Variants in PRKAA2 observed in about 807,000 individuals in gnomAD.
PRKAA2 encodes the protein protein kinase AMP-activated catalytic subunit alpha 2.
PRKAA2 carries 40 observed loss-of-function variants against 56.3 expected under a neutral mutation model. That is an observed-to-expected ratio of 0.71 (90% CI 0.55 to 0.92). The LOEUF is 0.92. Ranked by LOEUF, PRKAA2 falls within the 40% of genes least tolerant of loss-of-function variation. The pLI is 0.00. For synonymous variants in PRKAA2, 214 were observed against 234.2 expected (o/e 0.91, Z 0.79); for missense variants, 542 against 686.9 (o/e 0.79, Z 2.36).
chr1:56,692,860 C>G (rs1008587153), intron 4 of PRKAA2, among the ~76,000 whole-genome samples: 1 of 150,956 alleles, frequency 6.6e-6, no homozygotes, highest in Non-Finnish European at 1.5e-5. Flanking sequence ...AGTATGGGCA[C>G]TTTCCCTGAT....
At chr1:56,658,769 T>C (rs1215855085) in intron 1 of PRKAA2, among the ~76,000 whole-genome samples, 1 of 151,324 alleles carries the variant, frequency 6.6e-6, no homozygotes, top group Non-Finnish European at 1.5e-5. Flanking sequence ...AGGCAGAGTG[T>C]TCCTCTGTCC....
At chr1:56,651,502 G>C (rs1204316756) in intron 1 of PRKAA2, among the ~76,000 whole-genome samples, 1 of 151,982 alleles carries the variant, frequency 6.6e-6, no homozygotes. Flanking sequence ...TCAAATTCAG[G>C]GTTCTCAGAC....
intron 6 of PRKAA2, 47 bp downstream of exon 6, chr1:56,696,206 A>G (rs1644258289): frequency 6.6e-7 from 1 of 1,507,632 alleles, no homozygotes. Flanking sequence ...TCATAGGAAT[A>G]ATAATGTTAA....
At chr1:56,654,917 T>C (rs746813342) in intron 1 of PRKAA2, among the ~76,000 whole-genome samples, 1 of 152,036 alleles carries the variant, frequency 6.6e-6, no homozygotes, top group Non-Finnish European at 1.5e-5. Flanking sequence ...AACAGCCTTT[T>C]ATATGATTAA....
intron 1 of PRKAA2, among the ~76,000 whole-genome samples, chr1:56,651,782 A>T (rs1373510374): frequency 6.6e-6 from 1 of 151,846 alleles, no homozygotes; most frequent in Non-Finnish European, 1.5e-5. Flanking sequence ...GAATTCTACC[A>T]GTTTTAACCC....
At position 56,668,080 on chromosome 1, in the gene PRKAA2, C is replaced by T. The variant is rs1644048053; in HGVS notation, c.95-6301C>T. On this transcript the variant is annotated intron_variant, in intron 1 of 8. Transcript: ENST00000371244. ...TACTTATTATATAGACTAATAACTT[C>T]CTGGGAGCACTGTGATTGCCACACT... 2.0e-5 allele frequency among the ~76,000 whole-genome samples: 3 copies of T among 152,042 alleles called. No individual in the cohort carries two copies. In the South Asian group the frequency reaches 6.2e-4, roughly 32 times the overall value.
At chr1:56,695,183 TA>T (rs1417522533) in intron 5 of PRKAA2, among the ~76,000 whole-genome samples, 1 of 38,064 alleles carries the variant, frequency 2.6e-5, no homozygotes, top group Non-Finnish European at 5.9e-5. Context: ...TATGATATAT[TA>T]TATATATATA....
intron 2 of PRKAA2, among the ~76,000 whole-genome samples, chr1:56,684,610 AGGAAAGATC>A (rs1312413573): frequency 6.6e-6 from 1 of 152,186 alleles, no homozygotes; most frequent in Non-Finnish European, 1.5e-5. Context: ...AAAGTGTTTT[AGGAAAGATC>A]ACCAACTGTC....
At chr1:56,646,171 G>T (rs141878312) in intron 1 of PRKAA2, among the ~76,000 whole-genome samples, 132 of 152,250 alleles carry the variant, frequency 8.7e-4, no homozygotes, top group African/African-American at 2.8e-3. Flanking sequence ...ACTGTTTGGG[G>T]GATGCTCCAG....
intron 1 of PRKAA2, among the ~76,000 whole-genome samples, chr1:56,657,322 C>A (rs764422760): frequency 6.6e-6 from 1 of 151,996 alleles, no homozygotes; most frequent in Non-Finnish European, 1.5e-5. Flanking sequence ...TTTTTACCTT[C>A]GAAGAGGTAA....
At chr1:56,671,250 G>T (rs1399683854) in intron 1 of PRKAA2, among the ~76,000 whole-genome samples, 1 of 152,140 alleles carries the variant, frequency 6.6e-6, no homozygotes, top group Admixed American at 6.5e-5. Context: ...CAATTATGAC[G>T]TTATTAGGCA....
intron 1 of PRKAA2, among the ~76,000 whole-genome samples, chr1:56,666,255 G>A (rs1388807219): frequency 6.6e-6 from 1 of 152,154 alleles, no homozygotes; most frequent in African/African-American, 2.4e-5. Context: ...AAGGATCAAT[G>A]ATAAATGAGA....
chr1:56,701,731 A>T (rs1644294779), intron 6 of PRKAA2, among the ~76,000 whole-genome samples: 1 of 151,876 alleles, frequency 6.6e-6, no homozygotes, highest in Non-Finnish European at 1.5e-5. Context: ...CTACTAAAAA[A>T]ATACAACAAA....
chr1:56,667,772 G>T (rs1644046483), intron 1 of PRKAA2, among the ~76,000 whole-genome samples: 1 of 152,076 alleles, frequency 6.6e-6, no homozygotes, highest in African/African-American at 2.4e-5. Flanking sequence ...TTGTGAGAAA[G>T]AATAATTAAC....
chr1:56,669,289 T>C (rs1644058189), intron 1 of PRKAA2, among the ~76,000 whole-genome samples: 1 of 151,994 alleles, frequency 6.6e-6, no homozygotes, highest in South Asian at 2.1e-4. Flanking sequence ...TGAAATCCTG[T>C]CTCTATTAAA....
intron 6 of PRKAA2, among the ~76,000 whole-genome samples, chr1:56,703,105 C>G (rs1310382118): frequency 6.6e-6 from 1 of 152,044 alleles, no homozygotes; most frequent in African/African-American, 2.4e-5. Flanking sequence ...GTTTGGTATT[C>G]TAGGATAACA....
chr1:56,691,333 T>C (rs1352156285), intron 2 of PRKAA2, 61 bp from the exon 3 acceptor site: 9 of 1,138,816 alleles, frequency 7.9e-6, no homozygotes, highest in African/African-American at 7.7e-5. Flanking sequence ...AGAGTAGATA[T>C]ACCAGTTTGA....
Position 56,711,246 on chromosome 1 carries a change from C to T in PRKAA2, c.*3533C>T, listed in dbSNP as rs1046899810. ...AGTTTGCTTTTTCTTATTCCCTAGA[C>T]AGTTTGTACTCAGGGAATACAAATT... On this transcript the variant is annotated 3_prime_UTR_variant, in exon 9 of 9. Coordinates refer to ENST00000371244, the MANE Select transcript of PRKAA2 (RefSeq NM_006252.4). The T allele has an allele frequency of 2.0e-5, 3 of 152,040 alleles. No individual in the cohort carries two copies. The highest frequency in any genetic ancestry group is 7.2e-5 in the African/African-American group (3 of 41,420). 9.4% of individuals were successfully genotyped at this position (152,040 alleles called of 1,614,324 possible).
At chr1:56,668,473 G>A (rs1450230224) in intron 1 of PRKAA2, among the ~76,000 whole-genome samples, 3 of 151,020 alleles carry the variant, frequency 2.0e-5, no homozygotes, top group African/African-American at 7.3e-5. Context: ...GTGAAATTAA[G>A]TACTTAGATT....
Sources: gnomAD v4.1 joint callset for allele counts (sites outside exome capture counted in the v4.1 genomes callset) on GRCh38, gnomAD v4.1.1 for gene constraint, MANE v1.5 for transcripts, NCBI Gene and HGNC (gene_info 2026-07-23, HGNC 2026-07-21) for gene names.